Variants in PRKAG2 observed in about 807,000 individuals in gnomAD.
PRKAG2 encodes the protein protein kinase AMP-activated non-catalytic subunit gamma 2.
Under a neutral mutation model 69.6 loss-of-function variants are expected in PRKAG2, and 26 were observed. The ratio of observed to expected loss-of-function variants is 0.37; its 90% CI spans 0.27 to 0.52. The LOEUF (loss-of-function observed/expected upper bound fraction) is 0.52. PRKAG2 is among the 20% of genes least tolerant of loss of function. PRKAG2 has a pLI of 0.90. For synonymous variants in PRKAG2, 293 were observed against 285.0 expected (o/e 1.03, Z -0.28); for missense variants, 557 against 740.0 (o/e 0.75, Z 2.87).
intron 5 of PRKAG2, among the ~76,000 whole-genome samples, chr7:151,628,698 T>TGAGG (rs1823629984): frequency 7.2e-6 from 1 of 138,910 alleles, no homozygotes; most frequent in African/African-American, 2.8e-5. Context: ...AGTGAGACCC[T>TGAGG]GAGGGAGGGA....
chr7:151,687,714 C>T (rs1462370873), intron 3 of PRKAG2, among the ~76,000 whole-genome samples: 1 of 152,194 alleles, frequency 6.6e-6, no homozygotes, highest in East Asian at 1.9e-4. Context: ...AGGTCCACAG[C>T]CATGACTCAG....
intron 1 of PRKAG2, among the ~76,000 whole-genome samples, chr7:151,861,527 C>CAAAAAAAAAAAAAAAAA (rs1563762540): frequency 8.3e-5 from 5 of 60,394 alleles, no homozygotes; most frequent in African/African-American, 3.4e-4. Flanking sequence ...GACTCTGTCT[C>CAAAAAAAAAAAAAAAAA]CAAAAAAAAA....
In PRKAG2 at chr7:151,632,583, G is replaced by A. The variant is rs925742713; in HGVS notation, c.685-445C>T. 5.1e-6 allele frequency: 5 copies of A among 983,504 alleles called. No individual in the cohort carries two copies. The highest frequency in any genetic ancestry group is 9.4e-5 in the South Asian group (2 of 21,192). 60.9% of individuals were successfully genotyped at this position (983,504 alleles called of 1,614,324 possible). On this transcript the variant is annotated intron_variant, in intron 4 of 15. Coordinates refer to ENST00000287878, the MANE Select transcript of PRKAG2 (RefSeq NM_016203.4). The surrounding 1 kb of genome is among the most constrained non-coding windows in gnomAD (Gnocchi z 4.2). ...CGGCGCCGCTCACCTTCCCAGCACC[G>A]GCGGCCGCGCTCGGCAGGCTCCACC...
In PRKAG2 at chr7:151,622,566, C is replaced by T. The variant is rs375625276; in HGVS notation, c.754+9503G>A. ...TTCAAATGGGAGGCAATGGAGAAGA[C>T]AGAAGCATCTAGACCAACCCTAGGT... On this transcript the variant is annotated intron_variant, in intron 5 of 15. Transcript: ENST00000287878. Among the ~76,000 whole-genome samples the T allele has an allele frequency of 9.0e-4, 137 of 152,320 alleles. No homozygotes were observed. The South Asian group carries it at 0.017, about 19-fold the overall frequency.
intron 3 of PRKAG2, among the ~76,000 whole-genome samples, chr7:151,685,137 C>A (rs1834530382): frequency 6.6e-6 from 1 of 152,294 alleles, no homozygotes; most frequent in Admixed American, 6.5e-5. Flanking sequence ...CTCTTTCCCC[C>A]CAGCCCAGGG....
chr7:151,616,982 G>A (rs997686592), intron 5 of PRKAG2, among the ~76,000 whole-genome samples: 6 of 152,062 alleles, frequency 3.9e-5, no homozygotes, highest in East Asian at 1.9e-4. Context: ...CTACTAGGCC[G>A]GGCGCGGGGG....
chr7:151,870,812 G>A (rs2080204370), intron 1 of PRKAG2, among the ~76,000 whole-genome samples: 1 of 152,254 alleles, frequency 6.6e-6, no homozygotes, highest in Non-Finnish European at 1.5e-5. Flanking sequence ...GGCGGGGGGA[G>A]GCACCGCTGG....
chr7:151,560,334 C>T, intron 15 of PRKAG2, 190 bp downstream of exon 15: 1 of 1,506,890 alleles, frequency 6.6e-7, no homozygotes, highest in Non-Finnish European at 8.9e-7. Flanking sequence ...ACGTTCTATA[C>T]ACTTTCCTCA....
At chr7:151,604,289 TCAA>T (rs1816945705) in intron 5 of PRKAG2, among the ~76,000 whole-genome samples, 1 of 152,190 alleles carries the variant, frequency 6.6e-6, no homozygotes, top group African/African-American at 2.4e-5. Flanking sequence ...TTCCCCATCA[TCAA>T]CATCTTGCAT....
At chr7:151,682,042 T>C (rs373876955) in intron 3 of PRKAG2, among the ~76,000 whole-genome samples, 16 of 152,224 alleles carry the variant, frequency 1.1e-4, no homozygotes, top group South Asian at 8.3e-4. Flanking sequence ...CAAAGAGGGT[T>C]TTCTTCCATG....
At chr7:151,597,826 C>CT (rs915011196) in intron 5 of PRKAG2, among the ~76,000 whole-genome samples, 14 of 149,056 alleles carry the variant, frequency 9.4e-5, no homozygotes, top group Admixed American at 6.7e-4. Flanking sequence ...GGGAGCCCCC[C>CT]CCCCCGCTCT....
In PRKAG2 at chr7:151,632,527, G is replaced by A. The variant is rs1165997502; in HGVS notation, c.685-389C>T. 2.2e-5 allele frequency: 21 copies of A among 970,356 alleles called. No homozygotes were observed. Among genetic ancestry groups the A allele is most frequent in the Non-Finnish European group, 2.6e-5 (21 of 816,898 alleles). The allele number at this position is 970,356 out of a possible 1,614,324, so 60.1% of individuals were successfully genotyped here. On this transcript the variant is annotated intron_variant, in intron 4 of 15. Coordinates refer to ENST00000287878, the MANE Select transcript of PRKAG2 (RefSeq NM_016203.4). This position sits in a 1 kb window ranked among gnomAD's most constrained non-coding sequence, Gnocchi z 4.2. ...CCTCCCCGCCGTGCCGCCATTGGGA[G>A]AGGCCCGCGGCCCGCCCCCACTCCG...
intron 1 of PRKAG2, among the ~76,000 whole-genome samples, chr7:151,840,231 A>G (rs1183172413): frequency 6.6e-6 from 1 of 152,184 alleles, no homozygotes; most frequent in African/African-American, 2.4e-5. Context: ...GTGCCTGGAC[A>G]GCACAGGCCT....
chr7:151,654,815 C>T (rs1829151016), intron 4 of PRKAG2, among the ~76,000 whole-genome samples: 2 of 152,346 alleles, frequency 1.3e-5, no homozygotes, highest in Middle Eastern at 3.4e-3. Flanking sequence ...GCCCCAGCTT[C>T]CCAAGTAGCT....
intron 4 of PRKAG2, among the ~76,000 whole-genome samples, chr7:151,671,003 G>A (rs572869909): frequency 1.3e-5 from 2 of 151,894 alleles, no homozygotes; most frequent in African/African-American, 4.8e-5. Context: ...GCAAAACCCC[G>A]TCTCTACTAA....
chr7:151,613,764 C>G (rs1316745779), intron 5 of PRKAG2, among the ~76,000 whole-genome samples: 2 of 146,854 alleles, frequency 1.4e-5, no homozygotes, highest in Non-Finnish European at 3.0e-5. Context: ...TCCCAAAGTG[C>G]TTACAGGTGT....
At chr7:151,864,318 C>G (rs2080007384) in intron 1 of PRKAG2, among the ~76,000 whole-genome samples, 1 of 152,240 alleles carries the variant, frequency 6.6e-6, no homozygotes, top group South Asian at 2.1e-4. Flanking sequence ...CAGGTTCAAT[C>G]CTTGCTTCGC....
intron 1 of PRKAG2, among the ~76,000 whole-genome samples, chr7:151,854,998 TG>T: frequency 1.3e-4 from 1 of 7,616 alleles, no homozygotes; most frequent in Non-Finnish European, 2.9e-4. Flanking sequence ...ACACACACCA[TG>T]CTCCACACAC....
chr7:151,726,371 G>GACACACACACACACACACACAC (rs60238080), intron 3 of PRKAG2, among the ~76,000 whole-genome samples: 11 of 148,388 alleles, frequency 7.4e-5, no homozygotes, highest in African/African-American at 2.5e-4. Flanking sequence ...AGGGAGGCAG[G>GACACACACACACACACACACAC]ACACACACAC....
Sources: gnomAD v4.1 joint callset for allele counts (sites outside exome capture counted in the v4.1 genomes callset) on GRCh38, gnomAD v4.1.1 for gene constraint, Gnocchi (gnomAD v3.1) non-coding constraint, MANE v1.5 for transcripts, NCBI Gene and HGNC (gene_info 2026-07-23, HGNC 2026-07-21) for gene names.